A2M: variants seen among roughly 807,000 people sequenced by gnomAD.
The protein encoded by A2M is C3 and PZP-like alpha-2-macroglobulin domain-containing protein 5.
In A2M, 128 loss-of-function variants were observed where a neutral mutation model predicts 183.9. The observed-to-expected ratio is 0.70, with a 90% CI of 0.60 to 0.81. A2M has a LOEUF of 0.81. A2M is among the 30% of genes least tolerant of loss of function. A2M has a pLI of 0.00. For synonymous variants in A2M, 592 were observed against 670.8 expected (o/e 0.88, Z 1.81); for missense variants, 1,495 against 1,787.6 (o/e 0.84, Z 2.95).
chr12:9,072,304 G>A lies in A2M; in HGVS notation c.4103+55C>T, dbSNP rs189501320. 1.5e-5 allele frequency: 24 copies of A among 1,591,602 alleles called. No homozygotes were observed. In the African/African-American group the frequency reaches 1.6e-4, roughly 11 times the overall value. ...CTGCTTTACTTAAAGAGGAGTTCCC[G>A]AAAGAAGACTGGTGGTTATTCTTAG... On this transcript the variant is annotated intron_variant, in intron 31 of 35. Transcript: ENST00000318602.
At chr12:9,104,122 T>C in intron 11 of A2M, 117 bp downstream of exon 11, 1 of 1,022,800 alleles carries the variant, frequency 9.8e-7, no homozygotes, top group South Asian at 1.7e-5. Flanking sequence ...CGGTTTCTAA[T>C]TGCTAGTTTT....
chr12:9,105,152 T>C (rs139909525), intron 10 of A2M, among the ~76,000 whole-genome samples: 3 of 152,282 alleles, frequency 2.0e-5, no homozygotes, highest in Non-Finnish European at 4.4e-5. Context: ...TCTTTTTCAG[T>C]ATAAGCTACA....
intron 32 of A2M, 52 bp from the exon 33 acceptor site, chr12:9,069,865 G>A (rs1948513790): frequency 1.3e-6 from 2 of 1,538,386 alleles, no homozygotes; most frequent in Non-Finnish European, 1.8e-6. Flanking sequence ...AAACCCCTGG[G>A]GGATCCAGAG....
In A2M at chr12:9,093,564, C is replaced by T; in HGVS notation, c.2141G>A (p.Gly714Glu). 2 of 1,599,756 alleles carry T rather than the reference C, an allele frequency of 1.3e-6. No individual in the cohort carries two copies. Among genetic ancestry groups the T allele is most frequent in the Non-Finnish European group, 8.5e-7 (1 of 1,173,208 alleles). ...ATGCACCAGGCGTGCATGGCCTCTT[C>T]CCATTACATCTGACTCTATGGTGAG... Reference protein sequence around the residue: ...RVGFYESDVMGRGHARLVHVE... With the variant: ...RVGFYESDVMERGHARLVHVE... The change falls in exon 18 of 36, where the codon GGA becomes GAA. Residue 714 changes from glycine to glutamate, a missense_variant. Coordinates refer to ENST00000318602, the MANE Select transcript of A2M (RefSeq NM_000014.6).
At chr12:9,086,384 C>T (rs1949052903) in intron 22 of A2M, among the ~76,000 whole-genome samples, 1 of 152,082 alleles carries the variant, frequency 6.6e-6, no homozygotes, top group South Asian at 2.1e-4. Flanking sequence ...ACCAACCAAC[C>T]AACCACACGA....
intron 33 of A2M, 93 bp from the exon 34 acceptor site, chr12:9,068,935 C>A (rs1484935527): frequency 1.2e-6 from 1 of 822,484 alleles, no homozygotes. Context: ...GGGGGAAAAG[C>A]TTTATTATCC....
In A2M at chr12:9,106,359, A is replaced by G; in HGVS notation, c.995-14T>C. The G allele has an allele frequency of 6.4e-7, 1 of 1,566,208 alleles. No homozygotes were observed. Among genetic ancestry groups the G allele is most frequent in the Admixed American group, 1.7e-5 (1 of 57,170 alleles). On this transcript the variant is annotated splice_polypyrimidine_tract_variant and intron_variant, in intron 9 of 35. Coordinates refer to ENST00000318602, the MANE Select transcript of A2M (RefSeq NM_000014.6). ...TCAATTCCACCACTGAAAAAAGAGA[A>G]AAAAATCTGTTATTTTTGGGAAGAA...
In A2M at chr12:9,093,442, T is replaced by C. The variant is rs765390940; in HGVS notation, c.2240+23A>G. On this transcript the variant is annotated intron_variant, in intron 18 of 35. Transcript: ENST00000318602. ...GTCAGGGACCTCTATTGTTGCATAT[T>C]GCATATGCAGGAAGTTACTTACTTT... is the stretch of plus-strand genomic sequence containing the variant. The C allele has an allele frequency of 2.7e-6, 4 of 1,460,580 alleles. No individual in the cohort carries two copies. In the African/African-American group the frequency reaches 5.6e-5, roughly 20 times the overall value. The allele number at this position is 1,460,580 out of a possible 1,614,324, so 90.5% of individuals were successfully genotyped here. A position where few individuals can be genotyped will look rare whatever the true frequency, so the allele number is the denominator to read the frequency against.
At position 9,072,312 on chromosome 12, in the gene A2M, A is replaced by C. The variant is rs368132005; in HGVS notation, c.4103+47T>G. 6.3e-6 allele frequency: 10 copies of C among 1,598,970 alleles called. No individual in the cohort carries two copies. The Admixed American group carries it at 1.4e-4, about 23-fold the overall frequency. On this transcript the variant is annotated intron_variant, in intron 31 of 35. Coordinates refer to ENST00000318602, the MANE Select transcript of A2M (RefSeq NM_000014.6). ...CTTAAAGAGGAGTTCCCGAAAGAAGACTGGTGGTTATTCTTAGGATTAGGT... is the reference window on the plus strand; with the variant it reads ...CTTAAAGAGGAGTTCCCGAAAGAAGCCTGGTGGTTATTCTTAGGATTAGGT...
At chr12:9,113,888 A>G (rs1452732128) in intron 1 of A2M, among the ~76,000 whole-genome samples, 1 of 152,256 alleles carries the variant, frequency 6.6e-6, no homozygotes, top group East Asian at 1.9e-4. Context: ...AGTTGCTGTA[A>G]AAAGTAAGCA....
At chr12:9,116,062 T>C (rs1939097262), upstream of A2M, 3 of 559,222 alleles carry the variant, frequency 5.4e-6, no homozygotes, top group South Asian at 5.3e-5. Context: ...TCAAGGTTAA[T>C]TCCTGGCGGG....
At chr12:9,106,186 T>G in intron 10 of A2M, 50 bp downstream of exon 10, 1 of 1,074,996 alleles carries the variant, frequency 9.3e-7, no homozygotes, top group Non-Finnish European at 1.4e-6. Flanking sequence ...ACTATTGTGC[T>G]AATTAGGTAA....
chr12:9,086,152 G>A (rs745694427), intron 22 of A2M, among the ~76,000 whole-genome samples: 1 of 152,222 alleles, frequency 6.6e-6, no homozygotes, highest in South Asian at 2.1e-4. Context: ...TATGAGGCAA[G>A]CATTACCCTG....
rs1592337306 is a variant in A2M at position 9,077,289 on chromosome 12, C to G, written c.3351+57G>C. The G allele has an allele frequency of 2.0e-6, 3 of 1,466,692 alleles. No homozygotes were observed. In the East Asian group the frequency reaches 6.9e-5, roughly 34 times the overall value. 90.9% of individuals were successfully genotyped at this position (1,466,692 alleles called of 1,614,324 possible). A position where few individuals can be genotyped will look rare whatever the true frequency, so the allele number is the denominator to read the frequency against. On this transcript the variant is annotated intron_variant, in intron 27 of 35. Coordinates refer to ENST00000318602, the MANE Select transcript of A2M (RefSeq NM_000014.6). ...TAGGATAGTATTTCAGACAGCAGGT[C>G]AGCAGTTTCATTGCATCCAGAACTC...
intron 19 of A2M, among the ~76,000 whole-genome samples, chr12:9,090,948 T>C (rs550798596): frequency 5.9e-5 from 9 of 152,194 alleles, no homozygotes; most frequent in African/African-American, 1.7e-4. Flanking sequence ...GTCATGAGAA[T>C]AGAGTACTGA....
rs1389001308 is a variant in A2M at position 9,109,357 on chromosome 12, A to G, written c.722T>C (p.Ile241Thr). ...TGATACATTCATCTCTTCTTCCAAG[A>G]TGGTGATTATCTTTGGCACTGTTAC... Reference protein sequence around the residue: ...VQVTVPKIITILEEEMNVSVC... With the variant: ...VQVTVPKIITTLEEEMNVSVC... Residue 241 changes from isoleucine (I) to threonine (T), a missense_variant, in exon 7 of 36, where the codon ATC becomes ACC. Physicochemically the swap from Ile to Thr is moderately conservative, Grantham distance 89. Transcript: ENST00000318602. The G allele has an allele frequency of 1.2e-6, 2 of 1,613,392 alleles. No individual in the cohort carries two copies. The highest frequency in any genetic ancestry group is 1.7e-5 in the Admixed American group (1 of 59,992).
At chr12:9,113,286 A>T in intron 2 of A2M, 74 bp downstream of exon 2, 1 of 1,509,312 alleles carries the variant, frequency 6.6e-7, no homozygotes. Context: ...CCAAAGCCTC[A>T]TCTGACAGAA....
intron 22 of A2M, among the ~76,000 whole-genome samples, chr12:9,082,646 G>C (rs1002933336): frequency 4.6e-5 from 7 of 152,256 alleles, no homozygotes; most frequent in African/African-American, 1.7e-4. Context: ...GGATTATGAA[G>C]AATCAAGGAA....
At chr12:9,074,910 T>TG in intron 28 of A2M, 127 bp from the exon 29 acceptor site, 1 of 998,778 alleles carries the variant, frequency 1.0e-6, no homozygotes, top group Non-Finnish European at 1.4e-6. Context: ...TGTATGTAGA[T>TG]GCTTTTCCCT....
Sources: gnomAD v4.1 joint callset for allele counts (sites outside exome capture counted in the v4.1 genomes callset) on GRCh38, gnomAD v4.1.1 for gene constraint, MANE v1.5 for transcripts, NCBI Gene and HGNC (gene_info 2026-07-23, HGNC 2026-07-21) for gene names.